The following ZKSCAN1 variants were observed in gnomAD, a reference collection of about 807,000 sequenced individuals.
The protein encoded by ZKSCAN1 is zinc finger with KRAB and SCAN domains 1, also known as zinc finger protein with KRAB and SCAN domains 1.
In ZKSCAN1, 14 loss-of-function variants were observed where a neutral mutation model predicts 51.6. The ratio of observed to expected loss-of-function variants is 0.27; its 90% CI spans 0.18 to 0.42. The LOEUF (loss-of-function observed/expected upper bound fraction) is 0.42. ZKSCAN1 is among the 10% of genes least tolerant of loss of function. The pLI, the probability that ZKSCAN1 is intolerant of heterozygous loss-of-function variation, is 1.00. For missense variants in ZKSCAN1, 531 were observed against 710.0 expected (o/e 0.75, Z 2.86); for synonymous variants, 263 against 261.5 (o/e 1.01, Z -0.06).
downstream of ZKSCAN1, chr7:100,044,680 CAAAAAAAAAAAAAAA>C (rs59706759): frequency 1.7e-4 from 72 of 414,446 alleles, no homozygotes; most frequent in South Asian, 2.1e-4. Context: ...GACTCTATCT[CAAAAAAAAAAAAAAA>C]AAAAAAAAAA....
In ZKSCAN1 at chr7:100,037,238, C is replaced by T. The variant is rs1403841467; in HGVS notation, c.*3041C>T. ...AACAGTTGAAACATTCTACAGTTAA[C>T]CATTAGCATGCTAGTTGTCCTAATG... On this transcript the variant is annotated 3_prime_UTR_variant, in exon 6 of 6. Transcript: ENST00000324306. 2.0e-6 allele frequency: 2 copies of T among 985,256 alleles called. No individual in the cohort carries two copies. The highest frequency in any genetic ancestry group is 2.4e-6 in the Non-Finnish European group (2 of 829,932). The allele number at this position is 985,256 out of a possible 1,614,324, so 61.0% of individuals were successfully genotyped here.
rs1322320129 is a variant in ZKSCAN1 at position 100,039,866 on chromosome 7, G to T, written c.*5669G>T. The T allele has an allele frequency of 1.3e-5, 13 of 985,204 alleles. No individual in the cohort carries two copies. Among genetic ancestry groups the T allele is most frequent in the Non-Finnish European group, 1.4e-5 (12 of 829,806 alleles). The allele number at this position is 985,204 out of a possible 1,614,324, so 61.0% of individuals were successfully genotyped here. On this transcript the variant is annotated 3_prime_UTR_variant, in exon 6 of 6. Transcript: ENST00000324306. ...AATGAAATATAGAATCAGAGAAAAA[G>T]AAAAGTCAGTGATATAAATAGATCA...
chr7:100,031,733 A>G (rs1323949719), intron 5 of ZKSCAN1, among the ~76,000 whole-genome samples: 1 of 152,094 alleles, frequency 6.6e-6, no homozygotes, highest in Admixed American at 6.6e-5. Flanking sequence ...TCCTTGTTGG[A>G]TAGAAACTAT....
rs372337452 is a variant in ZKSCAN1 at position 100,029,949 on chromosome 7, C to T, written c.669C>T (p.Ser223=). The T allele has an allele frequency of 1.2e-5, 20 of 1,614,014 alleles. No individual in the cohort carries two copies. In the African/African-American group the frequency reaches 2.5e-4, roughly 20 times the overall value. ...AMASALFTAD[S]QAMVKIEDMA... is the part of the protein sequence containing the mutation. The stretch of plus-strand genomic sequence containing the variant: ...CATCTGCACTATTCACAGCGGATTC[C>T]CAGGTGAGCTGTGGCCCCTCTGCTC... The change falls in exon 4 of 6, where the codon TCC becomes TCT. Residue 223 remains serine, a synonymous_variant. Transcript: ENST00000324306.
chr7:100,038,318 A>G lies in ZKSCAN1; in HGVS notation c.*4121A>G. The G allele has an allele frequency of 1.0e-6, 1 of 985,480 alleles. No individual in the cohort carries two copies. Among genetic ancestry groups the G allele is most frequent in the Non-Finnish European group, 1.2e-6 (1 of 829,936 alleles). The allele number at this position is 985,480 out of a possible 1,614,324, so 61.0% of individuals were successfully genotyped here. ...AAGTTTCAGAGCAAACAGTGAAGAAATCAGTGTGATTGTAGACAAAAAGTC... is the reference window on the plus strand; with the variant it reads ...AAGTTTCAGAGCAAACAGTGAAGAAGTCAGTGTGATTGTAGACAAAAAGTC... On this transcript the variant is annotated 3_prime_UTR_variant, in exon 6 of 6. Coordinates refer to ENST00000324306, the MANE Select transcript of ZKSCAN1 (RefSeq NM_003439.4).
chr7:100,023,553 C>G lies in ZKSCAN1; in HGVS notation c.47C>G (p.Ala16Gly), dbSNP rs375530339. The G allele has an allele frequency of 2.5e-6, 4 of 1,613,236 alleles. No individual in the cohort carries two copies. In the African/African-American group the frequency reaches 5.3e-5, roughly 22 times the overall value. The part of the protein sequence containing the change: ...SREATGLSPQ[A>G]AQEKDGIVIV... ...GAAGCCACGGGTCTGTCCCCACAGG[C>G]TGCACAGGAGAAGGATGGTATCGTA... Residue 16 changes from alanine to glycine, a missense_variant, in exon 2 of 6, where the codon GCT becomes GGT. Coordinates refer to ENST00000324306, the MANE Select transcript of ZKSCAN1 (RefSeq NM_003439.4).
At chr7:100,017,411 CAG>C (rs951102359) in intron 1 of ZKSCAN1, among the ~76,000 whole-genome samples, 76 of 152,240 alleles carry the variant, frequency 5.0e-4, no homozygotes, top group Middle Eastern at 3.4e-3. Context: ...TTAGTAGAGA[CAG>C]AGTTTCGCCA....
intron 5 of ZKSCAN1, among the ~76,000 whole-genome samples, chr7:100,030,841 G>A (rs1791075984): frequency 6.6e-6 from 1 of 152,202 alleles, no homozygotes; most frequent in South Asian, 2.1e-4. Flanking sequence ...CTTCCATCCT[G>A]TGTGATTAGT....
In ZKSCAN1 at chr7:100,023,870, G is replaced by A. The variant is rs1218489325; in HGVS notation, c.364G>A (p.Asp122Asn). 23 of 1,613,160 alleles carry A rather than the reference G, an allele frequency of 1.4e-5. No individual in the cohort carries two copies. Among genetic ancestry groups the A allele is most frequent in the Non-Finnish European group, 1.9e-5 (23 of 1,179,942 alleles). Residue 122 changes from aspartate to asparagine, a missense_variant, in exon 2 of 6, where the codon GAT becomes AAT. Asp to Asn is a conservative substitution (Grantham distance 23). Coordinates refer to ENST00000324306, the MANE Select transcript of ZKSCAN1 (RefSeq NM_003439.4). Reference protein sequence around the residue: ...LQVWLQEYRPDSGEEAVTLLE... With the variant: ...LQVWLQEYRPNSGEEAVTLLE... ...GGTCTGGCTGCAGGAATACCGCCCC[G>A]ATAGTGGAGAGGAGGCCGTGACCCT...
rs534323299 is a variant in ZKSCAN1 at position 100,027,022 on chromosome 7, C to T, written c.580+2715C>T. Among the ~76,000 whole-genome samples, 47 of 152,170 alleles carry T rather than the reference C, an allele frequency of 3.1e-4. 2 individuals are homozygous for T. In the South Asian group the frequency reaches 8.9e-3, roughly 29 times the overall value. On this transcript the variant is annotated intron_variant, in intron 3 of 5. Coordinates refer to ENST00000324306, the MANE Select transcript of ZKSCAN1 (RefSeq NM_003439.4). ...TCAAAAAAGAAAAAAAAAGGCCAGG[C>T]GCAGTGGCCCACGCCTCTAATCCTG...
At chr7:100,044,275 C>A (rs145098428), downstream of ZKSCAN1, among the ~76,000 whole-genome samples, 367 of 152,250 alleles carry the variant, frequency 2.4e-3, 3 homozygotes, top group African/African-American at 8.5e-3. Flanking sequence ...GTGTTCAGAG[C>A]TGAGCCCAAT....
In ZKSCAN1 at chr7:100,037,159, C is replaced by G; in HGVS notation, c.*2962C>G. ...TCATGGTCAAAAACGCTTGCAACAT[C>G]TAATTGGCGTTCAAGATAGTCATTC... On this transcript the variant is annotated 3_prime_UTR_variant, in exon 6 of 6. Transcript: ENST00000324306. 10 of 985,436 alleles carry G rather than the reference C, an allele frequency of 1.0e-5. No individual in the cohort carries two copies. Among genetic ancestry groups the G allele is most frequent in the Non-Finnish European group, 1.2e-5 (10 of 829,936 alleles). The allele number at this position is 985,436 out of a possible 1,614,324, so 61.0% of individuals were successfully genotyped here.
chr7:100,021,736 A>G (rs1584329651), intron 1 of ZKSCAN1, among the ~76,000 whole-genome samples: 1 of 147,240 alleles, frequency 6.8e-6, no homozygotes, highest in Non-Finnish European at 1.5e-5. Flanking sequence ...CTCTATAAGA[A>G]TCTTTTTTTT....
At chr7:100,043,531 G>A (rs779695052), downstream of ZKSCAN1, among the ~76,000 whole-genome samples, 61 of 148,594 alleles carry the variant, frequency 4.1e-4, no homozygotes, top group Non-Finnish European at 7.7e-4. Context: ...GCATCACTAC[G>A]CCTAGATTTT....
At chr7:100,028,513 T>C (rs1221873472) in intron 3 of ZKSCAN1, among the ~76,000 whole-genome samples, 1 of 152,136 alleles carries the variant, frequency 6.6e-6, no homozygotes, top group Non-Finnish European at 1.5e-5. Context: ...TATCTTATTG[T>C]TGTATAAAGG....
At chr7:100,021,273 A>G (rs1032867773) in intron 1 of ZKSCAN1, among the ~76,000 whole-genome samples, 2 of 151,798 alleles carry the variant, frequency 1.3e-5, no homozygotes, top group African/African-American at 4.8e-5. Flanking sequence ...GGCGCCTGCT[A>G]CCATGCCCAG....
intron 1 of ZKSCAN1, among the ~76,000 whole-genome samples, chr7:100,016,334 C>T (rs1435965280): frequency 1.3e-5 from 2 of 152,064 alleles, no homozygotes; most frequent in Admixed American, 6.6e-5. Flanking sequence ...ATATACACCC[C>T]ACTCTTTCAG....
chr7:100,017,566 G>A (rs1294150003), intron 1 of ZKSCAN1, among the ~76,000 whole-genome samples: 2 of 152,202 alleles, frequency 1.3e-5, no homozygotes, highest in Non-Finnish European at 2.9e-5. Flanking sequence ...AAAATACTGG[G>A]CTGTTTGGAA....
Position 100,033,515 on chromosome 7 carries a change from A to G in ZKSCAN1, c.1010A>G (p.Asp337Gly). 1 of 1,614,106 alleles carries G rather than the reference A, an allele frequency of 6.2e-7. No homozygotes were observed. The highest frequency in any genetic ancestry group is 8.5e-7 in the Non-Finnish European group (1 of 1,180,000). ...KRDSGPAIGK[D>G]KKTITGERGP... Reference sequence around the variant, plus strand: ...GATTCAGGGCCAGCTATAGGAAAGGACAAAAAAACCATCACAGGAGAGAGA... The same window carrying G: ...GATTCAGGGCCAGCTATAGGAAAGGGCAAAAAAACCATCACAGGAGAGAGA... The change falls in exon 6 of 6, where the codon GAC becomes GGC. Residue 337 changes from aspartate (D) to glycine (G), a missense_variant. Asp to Gly is a moderately conservative substitution (Grantham distance 94). This residue lies in a region of ZKSCAN1 where 403 missense variants were observed against 490.5 expected (regional missense o/e 0.82). Transcript: ENST00000324306. This position sits in a 1 kb window ranked among gnomAD's most constrained non-coding sequence, Gnocchi z 4.1.
Sources: allele counts gnomAD v4.1 joint callset (sites outside exome capture counted in the v4.1 genomes callset), GRCh38; gene constraint gnomAD v4.1.1; regional missense constraint gnomAD v4.1.1; non-coding constraint Gnocchi (gnomAD v3.1); transcripts MANE v1.5; gene names NCBI Gene and HGNC (gene_info 2026-07-23, HGNC 2026-07-21).